The following ARHGAP24 variants were observed in gnomAD, a reference collection of about 807,000 sequenced individuals.
ARHGAP24 encodes the protein Rho GTPase activating protein 24.
A neutral mutation model predicts 76.4 loss-of-function variants in ARHGAP24; 50 were observed. The observed-to-expected ratio is 0.65, with a 90% CI of 0.52 to 0.83. ARHGAP24 has a LOEUF of 0.83. ARHGAP24 is among the 40% of genes least tolerant of loss of function. The pLI, the probability that ARHGAP24 is intolerant of heterozygous loss-of-function variation, is 0.00. For missense variants in ARHGAP24, 930 were observed against 914.2 expected, an observed-to-expected ratio of 1.02 and a Z score of -0.22; for synonymous variants, 345 against 323.3, an observed-to-expected ratio of 1.07 and a Z score of -0.72.
chr4:85,797,226 G>A (rs1181718334), intron 3 of ARHGAP24, among the ~76,000 whole-genome samples: 1 of 151,832 alleles, frequency 6.6e-6, no homozygotes, highest in Non-Finnish European at 1.5e-5. Context: ...AGGCTGGAGT[G>A]CAGTGGCGCA....
At chr4:85,887,606 A>G (rs1456051368) in intron 3 of ARHGAP24, among the ~76,000 whole-genome samples, 1 of 152,220 alleles carries the variant, frequency 6.6e-6, no homozygotes, top group Non-Finnish European at 1.5e-5. Context: ...CATGTAAAAC[A>G]TTAAGAACCT....
At chr4:85,890,960 G>A (rs979068018) in intron 3 of ARHGAP24, among the ~76,000 whole-genome samples, 17 of 152,050 alleles carry the variant, frequency 1.1e-4, no homozygotes, top group Non-Finnish European at 1.9e-4. Flanking sequence ...TCTAGGGATC[G>A]CCTAAAATCA....
At chr4:85,592,888 A>T (rs1364364208) in intron 2 of ARHGAP24, among the ~76,000 whole-genome samples, 1 of 152,176 alleles carries the variant, frequency 6.6e-6, no homozygotes, top group Non-Finnish European at 1.5e-5. Flanking sequence ...TCAACTGTTG[A>T]TGGGCACTTA....
At chr4:85,719,021 C>T (rs1358998068) in intron 2 of ARHGAP24, among the ~76,000 whole-genome samples, 1 of 152,108 alleles carries the variant, frequency 6.6e-6, no homozygotes, top group African/African-American at 2.4e-5. Context: ...CACACAAATA[C>T]ACATGTGGAT....
chr4:85,934,702 A>G (rs1736530278), intron 4 of ARHGAP24, among the ~76,000 whole-genome samples: 1 of 151,948 alleles, frequency 6.6e-6, no homozygotes, highest in Non-Finnish European at 1.5e-5. Flanking sequence ...TTTAGTAGAG[A>G]TGGGGTTTCA....
At chr4:85,900,015 T>G (rs62315532) in intron 3 of ARHGAP24, among the ~76,000 whole-genome samples, 16,883 of 152,254 alleles carry the variant, frequency 0.11, 987 homozygotes, top group South Asian at 0.13. Context: ...TCTACAACAT[T>G]AAGATGGCTA....
At chr4:85,689,144 G>A (rs1208190423) in intron 2 of ARHGAP24, among the ~76,000 whole-genome samples, 1 of 152,088 alleles carries the variant, frequency 6.6e-6, no homozygotes, top group East Asian at 1.9e-4. Context: ...GGTCAGTATG[G>A]CCATTTTAAT....
chr4:85,533,396 T>C (rs1725345233), intron 1 of ARHGAP24, among the ~76,000 whole-genome samples: 1 of 152,196 alleles, frequency 6.6e-6, no homozygotes. Context: ...TTACTTTTGA[T>C]CTTAAACTTA....
chr4:85,565,925 A>T (rs527466980), intron 1 of ARHGAP24, among the ~76,000 whole-genome samples: 3 of 152,196 alleles, frequency 2.0e-5, no homozygotes, highest in African/African-American at 7.2e-5. Flanking sequence ...GCACCATGTC[A>T]TACTGTTGTG....
chr4:85,972,856 C>A (rs916416050), intron 6 of ARHGAP24, among the ~76,000 whole-genome samples: 1 of 152,072 alleles, frequency 6.6e-6, no homozygotes, highest in African/African-American at 2.4e-5. Context: ...GGTGTGTGTG[C>A]ACGATTGGCT....
intron 2 of ARHGAP24, among the ~76,000 whole-genome samples, chr4:85,721,679 A>G (rs994315650): frequency 6.6e-6 from 1 of 152,180 alleles, no homozygotes; most frequent in South Asian, 2.1e-4. Context: ...AGTCTTATAC[A>G]TATTAGATGC....
chr4:85,631,699 A>G (rs1272843435), intron 2 of ARHGAP24, among the ~76,000 whole-genome samples: 1 of 152,098 alleles, frequency 6.6e-6, no homozygotes, highest in African/African-American at 2.4e-5. Flanking sequence ...AGTTGAGATC[A>G]TAGCAATATT....
chr4:85,979,027 TAG>T (rs1414849332), intron 8 of ARHGAP24, among the ~76,000 whole-genome samples: 1 of 152,212 alleles, frequency 6.6e-6, no homozygotes, highest in Non-Finnish European at 1.5e-5. Flanking sequence ...ATTTCACTTG[TAG>T]AGTTTCCCGT....
chr4:85,627,858 G>T (rs1049302442), intron 2 of ARHGAP24, among the ~76,000 whole-genome samples: 5 of 152,204 alleles, frequency 3.3e-5, no homozygotes, highest in Non-Finnish European at 1.5e-5. Context: ...GACTCCGTGG[G>T]CGTAGGACCC....
chr4:85,809,177 T>C (rs1728910402), intron 3 of ARHGAP24, among the ~76,000 whole-genome samples: 2 of 152,180 alleles, frequency 1.3e-5, no homozygotes, highest in Non-Finnish European at 2.9e-5. Flanking sequence ...TTTTTTTCTC[T>C]AGTCATCACT....
At chr4:85,628,205 G>T (rs1721036232) in intron 2 of ARHGAP24, among the ~76,000 whole-genome samples, 2 of 152,290 alleles carry the variant, frequency 1.3e-5, no homozygotes, top group African/African-American at 4.8e-5. Context: ...GTTCCTATTT[G>T]ACCATCTTGG....
intron 5 of ARHGAP24, among the ~76,000 whole-genome samples, chr4:85,950,678 T>C (rs1352690780): frequency 1.1e-5 from 1 of 90,310 alleles, no homozygotes; most frequent in Non-Finnish European, 2.2e-5. Context: ...TCTTTTTTCT[T>C]TTTTCTTTTT....
chr4:85,668,657 A>G (rs932537315), intron 2 of ARHGAP24, among the ~76,000 whole-genome samples: 2 of 152,166 alleles, frequency 1.3e-5, no homozygotes, highest in Non-Finnish European at 2.9e-5. Context: ...CTTTTTTAAC[A>G]TCTTACTCTG....
At chr4:85,886,247 C>T (rs541474627) in intron 3 of ARHGAP24, among the ~76,000 whole-genome samples, 36 of 152,204 alleles carry the variant, frequency 2.4e-4, no homozygotes, top group African/African-American at 7.2e-4. Flanking sequence ...TGATAAACTT[C>T]GCAGGACAAT....
Sources: gnomAD v4.1 joint callset for allele counts (sites outside exome capture counted in the v4.1 genomes callset) on GRCh38, gnomAD v4.1.1 for gene constraint, MANE v1.5 for transcripts, NCBI Gene and HGNC (gene_info 2026-07-23, HGNC 2026-07-21) for gene names.